Variants in ULK2 observed in about 807,000 individuals in gnomAD.
ULK2 encodes the protein unc-51 like autophagy activating kinase 2.
Under a neutral mutation model 127.5 loss-of-function variants are expected in ULK2, and 76 were observed. The observed-to-expected ratio is 0.60, with a 90% CI of 0.50 to 0.72. ULK2 has a LOEUF of 0.72. Among genes scored for constraint, ULK2 ranks in the 30% least tolerant of loss-of-function variants. ULK2 has a pLI of 0.00. For synonymous variants in ULK2, 452 were observed against 461.9 expected (o/e 0.98, Z 0.28); for missense variants, 1,144 against 1,295.9 (o/e 0.88, Z 1.80).
At chr17:19,840,032 G>C in intron 9 of ULK2, 1 of 296,208 alleles carries the variant, frequency 3.4e-6, no homozygotes, top group Non-Finnish European at 6.6e-6. Flanking sequence ...TGAAAACAGG[G>C]ATCTGATTAA....
intron 10 of ULK2, among the ~76,000 whole-genome samples, chr17:19,829,557 G>GGGGT (rs1567708446): frequency 1.0e-5 from 1 of 96,500 alleles, no homozygotes; most frequent in Non-Finnish European, 2.2e-5. Context: ...AAGGGGGGGG[G>GGGGT]CTGGGCACGG....
intron 3 of ULK2, among the ~76,000 whole-genome samples, chr17:19,856,861 C>T (rs2042141268): frequency 6.7e-6 from 1 of 150,086 alleles, no homozygotes; most frequent in Non-Finnish European, 1.5e-5. Flanking sequence ...CCTGTAGTCC[C>T]AGCTACTCGG....
chr17:19,819,994 C>A (rs1467548442), intron 12 of ULK2, among the ~76,000 whole-genome samples: 6 of 152,018 alleles, frequency 3.9e-5, no homozygotes, highest in African/African-American at 1.4e-4. Flanking sequence ...AGCTAAAAAA[C>A]ACAGTGGATC....
intron 26 of ULK2, 127 bp downstream of exon 26, chr17:19,777,454 T>C (rs965173664): frequency 1.9e-6 from 2 of 1,061,382 alleles, no homozygotes; most frequent in Non-Finnish European, 1.3e-6. Flanking sequence ...AGGCTGTGAT[T>C]TGCACAAGGC....
chr17:19,822,384 T>TA (rs1025350860), intron 12 of ULK2, among the ~76,000 whole-genome samples: 8 of 151,772 alleles, frequency 5.3e-5, no homozygotes, highest in Non-Finnish European at 7.4e-5. Context: ...TTTTTTGAGA[T>TA]AGAGTCTCGC....
At chr17:19,864,472 CA>C (rs201190960) in intron 3 of ULK2, among the ~76,000 whole-genome samples, 13,988 of 135,694 alleles carry the variant, frequency 0.1, 1,035 homozygotes, top group East Asian at 0.34. Context: ...GAGACTCCAT[CA>C]AAAAAAAAAA....
At chr17:19,839,747 C>G (rs1419248547) in intron 9 of ULK2, among the ~76,000 whole-genome samples, 1 of 151,206 alleles carries the variant, frequency 6.6e-6, no homozygotes, top group African/African-American at 2.4e-5. Context: ...GAGAATAATG[C>G]AAATTAAATT....
Position 19,774,436 on chromosome 17 carries a change from C to G in ULK2, c.*1913G>C, listed in dbSNP as rs115326. On this transcript the variant is annotated 3_prime_UTR_variant, in exon 27 of 27. Coordinates refer to ENST00000395544, the MANE Select transcript of ULK2 (RefSeq NM_014683.4). ...CCTCTCTGAACCTGTTTCATCCTGT[C>G]TTAAAAAAGAAATGGGAGAGGAAGA... 146,291 of 152,280 alleles carry G rather than the reference C, an allele frequency of 0.96. 70,464 individuals are homozygous for G. The highest frequency in any genetic ancestry group is 0.99 in the African/African-American group (41,176 of 41,558). 9.4% of individuals were successfully genotyped at this position (152,280 alleles called of 1,614,324 possible).
chr17:19,796,194 G>A lies in ULK2; in HGVS notation c.1898C>T (p.Ser633Leu), dbSNP rs374681892. The A allele has an allele frequency of 8.1e-6, 13 of 1,613,938 alleles. No homozygotes were observed. The highest frequency in any genetic ancestry group is 5.3e-5 in the African/African-American group (4 of 74,870). Reference protein sequence around the residue: ...VTRHGPAEEQSKDGNEPRECA... With the variant: ...VTRHGPAEEQLKDGNEPRECA... Reference sequence around the variant, plus strand: ...TTCCCGTGGCTCATTCCCATCTTTCGACTGTTCTTCAGCAGGCCCATGACG... The same window carrying A: ...TTCCCGTGGCTCATTCCCATCTTTCAACTGTTCTTCAGCAGGCCCATGACG... The change falls in exon 19 of 27, where the codon TCG becomes TTG. Residue 633 changes from serine (S) to leucine (L), a missense_variant. By Grantham distance (145) the Ser-to-Leu change is moderately radical (BLOSUM62 -2). Around this residue, in one of 2 missense-constraint regions of ULK2, gnomAD observed 913 missense variants for 970.5 expected, o/e 0.94. Transcript: ENST00000395544.
chr17:19,784,727 T>C (rs990825821), intron 21 of ULK2, among the ~76,000 whole-genome samples: 9 of 151,956 alleles, frequency 5.9e-5, no homozygotes, highest in African/African-American at 2.2e-4. Context: ...GGTTTCACCA[T>C]GTTGCCCAGG....
At chr17:19,864,623 C>A (rs2042315320) in intron 3 of ULK2, among the ~76,000 whole-genome samples, 180 bp downstream of exon 3, 1 of 152,154 alleles carries the variant, frequency 6.6e-6, no homozygotes, top group Admixed American at 6.6e-5. Flanking sequence ...GCAGCAAATT[C>A]TTTCAGCCTA....
At chr17:19,796,387 A>AG in intron 18 of ULK2, 105 bp from the exon 19 acceptor site, 1 of 1,073,940 alleles carries the variant, frequency 9.3e-7, no homozygotes. Flanking sequence ...AGCATGTAGG[A>AG]GATAGGTCGG....
chr17:19,781,017 C>T lies in ULK2; in HGVS notation c.2727G>A (p.Gly909=), dbSNP rs367803551. The T allele has an allele frequency of 1.5e-4, 242 of 1,613,938 alleles. No homozygotes were observed. Among genetic ancestry groups the T allele is most frequent in the Non-Finnish European group, 1.8e-4 (211 of 1,180,020 alleles). The change falls in exon 24 of 27, where the codon GGG becomes GGA. Residue 909 remains glycine (G), a synonymous_variant. Transcript: ENST00000395544. Reference sequence around the variant, plus strand: ...TCACAGCTGTGGATGGGCTCAGTTTCCCGGACTTGATCTGGGCTTTGGCAA... The same window carrying T: ...TCACAGCTGTGGATGGGCTCAGTTTTCCGGACTTGATCTGGGCTTTGGCAA... ...LHLAKAQIKS[G]KLSPSTAVKQ...
intron 19 of ULK2, 23 bp from the exon 20 acceptor site, chr17:19,795,748 T>C: frequency 6.2e-7 from 1 of 1,601,580 alleles, no homozygotes. Flanking sequence ...GTGATGTTTT[T>C]AATAAAGGAA....
chr17:19,807,660 A>G (rs559586333), intron 14 of ULK2, among the ~76,000 whole-genome samples: 48 of 152,164 alleles, frequency 3.2e-4, no homozygotes, highest in Non-Finnish European at 3.4e-4. Flanking sequence ...ACTCAAGAAG[A>G]AAAAAAGGCA....
intron 14 of ULK2, among the ~76,000 whole-genome samples, chr17:19,806,239 A>G (rs185120315): frequency 8.7e-4 from 133 of 152,034 alleles, no homozygotes; most frequent in Non-Finnish European, 1.7e-3. Context: ...GTGAAAGAAT[A>G]AATGCCATTT....
Position 19,785,996 on chromosome 17 carries a change from G to GGA in ULK2, c.2190_2191dup (p.Pro731LeufsTer34). 1 of 1,590,464 alleles carries GGA rather than the reference G, an allele frequency of 6.3e-7. No homozygotes were observed. Among genetic ancestry groups the GGA allele is most frequent in the Non-Finnish European group, 8.5e-7 (1 of 1,171,768 alleles). ...ACAAGTGGGGGCTGCCGCACTGTGT[G>GGA]GAGGAGACCCTACAGTGAAGAGGAC... On this transcript the variant is annotated frameshift_variant, in exon 21 of 27. Transcript: ENST00000395544. LOFTEE classifies it high-confidence loss of function.
intron 22 of ULK2, among the ~76,000 whole-genome samples, chr17:19,782,890 T>C (rs778657229): frequency 4.0e-5 from 6 of 151,700 alleles, no homozygotes; most frequent in Non-Finnish European, 8.8e-5. Context: ...CATTCCAACC[T>C]GGGTGACAGA....
intron 3 of ULK2, among the ~76,000 whole-genome samples, 159 bp from the exon 4 acceptor site, chr17:19,849,933 T>C (rs1373201972): frequency 3.9e-5 from 6 of 152,190 alleles, no homozygotes; most frequent in African/African-American, 1.4e-4. Context: ...AACACAATGA[T>C]GTAATTATCT....
Sources: gnomAD v4.1 joint callset for allele counts (sites outside exome capture counted in the v4.1 genomes callset) on GRCh38, gnomAD v4.1.1 for gene constraint, gnomAD v4.1.1 regional missense constraint, MANE v1.5 for transcripts, NCBI Gene and HGNC (gene_info 2026-07-23, HGNC 2026-07-21) for gene names.